The following DYNC2H1 variants were observed in gnomAD, a reference collection of about 807,000 sequenced individuals.
DYNC2H1 encodes the protein cytoplasmic dynein 2 heavy chain 1.
In DYNC2H1, 410 loss-of-function variants were observed where a neutral mutation model predicts 570.0. That is an observed-to-expected ratio of 0.72 (90% CI 0.66 to 0.78). The LOEUF is 0.78. Among genes scored for constraint, DYNC2H1 ranks in the 30% least tolerant of loss-of-function variants. DYNC2H1 has a pLI of 0.00. For missense variants in DYNC2H1, 4,865 were observed against 5,046.4 expected (o/e 0.96, Z 1.09); for synonymous variants, 1,688 against 1,677.6 (o/e 1.01, Z -0.15).
At position 103,244,766 on chromosome 11, in the gene DYNC2H1, C is replaced by T. The variant is rs948655974; in HGVS notation, c.9919-485C>T. 6.8e-6 allele frequency among the ~76,000 whole-genome samples: 1 copy of T among 147,784 alleles called. No homozygotes were observed. Among genetic ancestry groups the T allele is most frequent in the Non-Finnish European group, 1.5e-5 (1 of 67,166 alleles). On this transcript the variant is annotated intron_variant, in intron 64 of 88. Transcript: ENST00000375735. The surrounding 1 kb of genome is among the most constrained non-coding windows in gnomAD (Gnocchi z 4.3). ...AATATACTATATATATCTATAGTTA[C>T]AGTTATATACATATAAGTACTATAT...
At chr11:103,230,472 T>C (rs1374185515) in intron 59 of DYNC2H1, among the ~76,000 whole-genome samples, 2 of 152,178 alleles carry the variant, frequency 1.3e-5, no homozygotes, top group African/African-American at 4.8e-5. Flanking sequence ...TAGAGGTTGA[T>C]GGAGATGAGT....
At chr11:103,454,915 T>C (rs899132479) in intron 85 of DYNC2H1, 3 of 347,164 alleles carry the variant, frequency 8.6e-6, no homozygotes, top group South Asian at 5.1e-5. Context: ...TGCTGTACAT[T>C]AGGTTAATTT....
At chr11:103,459,958 C>CCAAAAAA (rs1555140355) in intron 87 of DYNC2H1, among the ~76,000 whole-genome samples, 2 of 70,856 alleles carry the variant, frequency 2.8e-5, no homozygotes, top group African/African-American at 6.5e-5. Flanking sequence ...GACTCCGTCT[C>CCAAAAAA]AAAAAAAAAA....
chr11:103,203,550 A>G lies in DYNC2H1; in HGVS notation c.8198-113A>G, dbSNP rs1862799460. 7.6e-6 allele frequency: 5 copies of G among 654,582 alleles called. No homozygotes were observed. The Admixed American group carries it at 1.6e-4, about 20-fold the overall frequency. The allele number at this position is 654,582 out of a possible 1,614,324, so 40.5% of individuals were successfully genotyped here. ...ATTTGTGAGTCAAGTAGAGGTAATA[A>G]AGTTTGTATATTTTTGGAAATAAAG... is the stretch of plus-strand genomic sequence containing the variant. On this transcript the variant is annotated intron_variant, in intron 50 of 88. Coordinates refer to ENST00000375735, the MANE Select transcript of DYNC2H1 (RefSeq NM_001377.3). This position sits in a 1 kb window ranked among gnomAD's most constrained non-coding sequence, Gnocchi z 4.7.
At chr11:103,117,237 T>C (rs1321903141) in intron 5 of DYNC2H1, among the ~76,000 whole-genome samples, 1 of 146,994 alleles carries the variant, frequency 6.8e-6, no homozygotes, top group Non-Finnish European at 1.5e-5. Context: ...TATATGTATA[T>C]ATATATTTAA....
Position 103,129,654 on chromosome 11 carries a change from A to C in DYNC2H1, c.1953+649A>C, listed in dbSNP as rs898640978. ...GGTCGAGATCGTGCCACTGCACTCT[A>C]GCCTGGGAGACAGAGCGACTCCATC... On this transcript the variant is annotated intron_variant, in intron 13 of 88. Transcript: ENST00000375735. The surrounding 1 kb of genome is among the most constrained non-coding windows in gnomAD (Gnocchi z 4.1). Among the ~76,000 whole-genome samples, 1 of 152,068 alleles carries C rather than the reference A, an allele frequency of 6.6e-6. No individual in the cohort carries two copies. The highest frequency in any genetic ancestry group is 1.5e-5 in the Non-Finnish European group (1 of 68,004).
intron 82 of DYNC2H1, among the ~76,000 whole-genome samples, chr11:103,345,706 G>A (rs555061695): frequency 6.6e-6 from 1 of 152,302 alleles, no homozygotes; most frequent in Admixed American, 6.5e-5. Context: ...GGTAGCTGGG[G>A]TGGAGGTGGA....
In DYNC2H1 at chr11:103,176,296, T is replaced by A; in HGVS notation, c.5736T>A (p.Phe1912Leu). 6.5e-7 allele frequency: 1 copy of A among 1,550,010 alleles called. No individual in the cohort carries two copies. Among genetic ancestry groups the A allele is most frequent in the Non-Finnish European group, 8.7e-7 (1 of 1,146,880 alleles). ...TTAATACCATGTCAAAGTTTACGTT[T>A]ACTGATTGCACCCGGTTTGATGCAC... ...LRLNTMSKFT[F>L]TDCTRFDALI... Residue 1912 changes from phenylalanine (F) to leucine (L), a missense_variant, in exon 37 of 89, where the codon TTT becomes TTA. Phe to Leu is a conservative substitution (Grantham distance 22). This residue lies in a region of DYNC2H1 where 292 missense variants were observed against 300.2 expected (regional missense o/e 0.97). Coordinates refer to ENST00000375735, the MANE Select transcript of DYNC2H1 (RefSeq NM_001377.3).
chr11:103,361,319 C>T (rs1048728432), intron 83 of DYNC2H1, among the ~76,000 whole-genome samples: 1 of 152,124 alleles, frequency 6.6e-6, no homozygotes. Flanking sequence ...GAGGACACTT[C>T]AAAAAGACTG....
chr11:103,447,265 G>C (rs1194233537), intron 85 of DYNC2H1, among the ~76,000 whole-genome samples: 1 of 152,100 alleles, frequency 6.6e-6, no homozygotes, highest in Non-Finnish European at 1.5e-5. Context: ...TACTCTAATA[G>C]GTGGCTATAT....
At position 103,157,951 on chromosome 11, in the gene DYNC2H1, T is replaced by G. The variant is rs188469616; in HGVS notation, c.4128-726T>G. ...AGAAACGTCTTCTACTCACTCACTT[T>G]TTCATTTTATTCTTCATCTGCATAT... On this transcript the variant is annotated intron_variant, in intron 26 of 88. Coordinates refer to ENST00000375735, the MANE Select transcript of DYNC2H1 (RefSeq NM_001377.3). The surrounding 1 kb of genome is among the most constrained non-coding windows in gnomAD (Gnocchi z 4.2). Among the ~76,000 whole-genome samples the G allele has an allele frequency of 6.6e-6, 1 of 152,210 alleles. No individual in the cohort carries two copies. The highest frequency in any genetic ancestry group is 1.5e-5 in the Non-Finnish European group (1 of 68,042).
chr11:103,145,046 A>G lies in DYNC2H1; in HGVS notation c.2702+1651A>G, dbSNP rs1336081421. ...CAGGCACGTGCCACCACGCCTGGCT[A>G]ATTTTTTGTATTTTTAGTAGAGGTG... On this transcript the variant is annotated intron_variant, in intron 18 of 88. Coordinates refer to ENST00000375735, the MANE Select transcript of DYNC2H1 (RefSeq NM_001377.3). This position sits in a 1 kb window ranked among gnomAD's most constrained non-coding sequence, Gnocchi z 4.2. 6.6e-6 allele frequency among the ~76,000 whole-genome samples: 1 copy of G among 151,840 alleles called. No individual in the cohort carries two copies. Among genetic ancestry groups the G allele is most frequent in the Non-Finnish European group, 1.5e-5 (1 of 67,966 alleles).
At position 103,243,889 on chromosome 11, in the gene DYNC2H1, G is replaced by T; in HGVS notation, c.9918+98G>T. ...TCAGAAAACATAGATTCAACACTGG[G>T]TCCTACTGTATGGGACCTTGGGCGA... On this transcript the variant is annotated intron_variant, in intron 64 of 88. Coordinates refer to ENST00000375735, the MANE Select transcript of DYNC2H1 (RefSeq NM_001377.3). This position sits in a 1 kb window ranked among gnomAD's most constrained non-coding sequence, Gnocchi z 4.8. The T allele has an allele frequency of 1.1e-6, 1 of 907,448 alleles. No homozygotes were observed. Among genetic ancestry groups the T allele is most frequent in the East Asian group, 2.8e-5 (1 of 36,218 alleles). The allele number at this position is 907,448 out of a possible 1,614,324, so 56.2% of individuals were successfully genotyped here. A position where few individuals can be genotyped will look rare whatever the true frequency, so the allele number is the denominator to read the frequency against.
intron 84 of DYNC2H1, among the ~76,000 whole-genome samples, chr11:103,432,200 C>T (rs570581535): frequency 8.5e-5 from 13 of 152,094 alleles, no homozygotes; most frequent in Non-Finnish European, 1.8e-4. Flanking sequence ...ACAAATAGTT[C>T]ATCGTTGTTA....
chr11:103,462,826 T>C (rs17100957), intron 87 of DYNC2H1, among the ~76,000 whole-genome samples: 22,189 of 152,180 alleles, frequency 0.15, 1,813 homozygotes, highest in Admixed American at 0.24. Context: ...TTGGCATATA[T>C]GTGACGCCTC....
At chr11:103,196,043 C>G (rs1342977216) in intron 47 of DYNC2H1, among the ~76,000 whole-genome samples, 1 of 152,138 alleles carries the variant, frequency 6.6e-6, no homozygotes, top group Admixed American at 6.5e-5. Flanking sequence ...ATAGAAGATT[C>G]AAACAATCAG....
intron 63 of DYNC2H1, 47 bp downstream of exon 63, chr11:103,236,586 A>G (rs1230729838): frequency 1.6e-5 from 16 of 1,018,038 alleles, no homozygotes; most frequent in Non-Finnish European, 2.2e-5. Context: ...TTTATTGTCA[A>G]GCTTGCTGTA....
At chr11:103,188,188 T>G (rs1862152277) in intron 43 of DYNC2H1, among the ~76,000 whole-genome samples, 1 of 152,094 alleles carries the variant, frequency 6.6e-6, no homozygotes, top group African/African-American at 2.4e-5. Flanking sequence ...TTTCTCATAT[T>G]TTTCCTGATA....
chr11:103,390,420 C>G (rs373559209), intron 83 of DYNC2H1, among the ~76,000 whole-genome samples: 1 of 151,640 alleles, frequency 6.6e-6, no homozygotes, highest in African/African-American at 2.4e-5. Context: ...TTCCTGAATA[C>G]AGCACACTGA....
Sources: gnomAD v4.1 joint callset for allele counts (sites outside exome capture counted in the v4.1 genomes callset) on GRCh38, gnomAD v4.1.1 for gene constraint, gnomAD v4.1.1 regional missense constraint, Gnocchi (gnomAD v3.1) non-coding constraint, MANE v1.5 for transcripts, NCBI Gene and HGNC (gene_info 2026-07-23, HGNC 2026-07-21) for gene names.